Variants in ADGRB3 observed in about 807,000 individuals in gnomAD.
The protein encoded by ADGRB3 is adhesion G protein-coupled receptor B3.
Under a neutral mutation model 193.4 loss-of-function variants are expected in ADGRB3, and 37 were observed. That is an observed-to-expected ratio of 0.19 (90% CI 0.15 to 0.25). The LOEUF is 0.25. Among genes scored for constraint, ADGRB3 ranks in the 10% least tolerant of loss-of-function variants. ADGRB3 has a pLI of 1.00. For missense variants in ADGRB3, 1,637 were observed against 1,852.9 expected, an observed-to-expected ratio of 0.88 and a Z score of 2.14; for synonymous variants, 690 against 644.2, an observed-to-expected ratio of 1.07 and a Z score of -1.08.
chr6:69,251,525 G>A (rs1468248007), intron 20 of ADGRB3, among the ~76,000 whole-genome samples: 3 of 152,166 alleles, frequency 2.0e-5, no homozygotes, highest in African/African-American at 7.2e-5. Flanking sequence ...AGTGAATGAA[G>A]AAAATATCTA....
chr6:69,328,472 T>A (rs1314898362), intron 22 of ADGRB3, among the ~76,000 whole-genome samples: 1 of 152,204 alleles, frequency 6.6e-6, no homozygotes, highest in Non-Finnish European at 1.5e-5. Flanking sequence ...TGTGTTTGAA[T>A]TTAACATTTT....
At chr6:69,040,710 CA>C (rs1169004559) in intron 13 of ADGRB3, among the ~76,000 whole-genome samples, 4 of 50,624 alleles carry the variant, frequency 7.9e-5, no homozygotes, top group Non-Finnish European at 1.1e-4. Context: ...AAAAAAAAAA[CA>C]AACAAGAATT....
chr6:69,059,915 T>G (rs995252776), intron 15 of ADGRB3, among the ~76,000 whole-genome samples: 1 of 152,132 alleles, frequency 6.6e-6, no homozygotes, highest in Non-Finnish European at 1.5e-5. Flanking sequence ...AAACATGTTT[T>G]AAGTATTAAA....
chr6:69,299,458 C>G (rs1582615832), intron 20 of ADGRB3, among the ~76,000 whole-genome samples: 1 of 151,756 alleles, frequency 6.6e-6, no homozygotes, highest in East Asian at 1.9e-4. Context: ...GTTAAGAAAT[C>G]TTTACAGGTC....
chr6:68,883,351 G>A (rs1765788272), intron 3 of ADGRB3, among the ~76,000 whole-genome samples: 2 of 152,178 alleles, frequency 1.3e-5, no homozygotes, highest in African/African-American at 2.4e-5. Flanking sequence ...GGGCCAATCA[G>A]CAGGATGTGG....
intron 11 of ADGRB3, among the ~76,000 whole-genome samples, chr6:69,012,420 C>T (rs1156904233): frequency 6.6e-6 from 1 of 151,978 alleles, no homozygotes; most frequent in Non-Finnish European, 1.5e-5. Flanking sequence ...ACCATGTCCC[C>T]TACTGAGTTA....
At chr6:69,284,492 T>C (rs1223640325) in intron 20 of ADGRB3, among the ~76,000 whole-genome samples, 3 of 152,220 alleles carry the variant, frequency 2.0e-5, no homozygotes, top group Non-Finnish European at 4.4e-5. Flanking sequence ...GACTTAAGAC[T>C]GTAAGCTTGG....
intron 3 of ADGRB3, among the ~76,000 whole-genome samples, chr6:68,686,684 C>A (rs1050941876): frequency 2.6e-5 from 4 of 152,136 alleles, no homozygotes; most frequent in African/African-American, 7.2e-5. Context: ...GTTGTTGGTG[C>A]TGTCAATTGT....
At chr6:69,052,180 A>G (rs1292648693) in intron 15 of ADGRB3, among the ~76,000 whole-genome samples, 2 of 152,144 alleles carry the variant, frequency 1.3e-5, no homozygotes, top group Non-Finnish European at 1.5e-5. Flanking sequence ...GAGCCACCGC[A>G]GTAATAATTA....
At chr6:68,643,624 C>T (rs1451636493) in intron 3 of ADGRB3, among the ~76,000 whole-genome samples, 2 of 151,480 alleles carry the variant, frequency 1.3e-5, no homozygotes, top group Non-Finnish European at 2.9e-5. Flanking sequence ...CATATTGCAG[C>T]GTGATTTTAC....
intron 8 of ADGRB3, among the ~76,000 whole-genome samples, chr6:68,972,805 A>G (rs1768625317): frequency 1.3e-5 from 2 of 152,228 alleles, no homozygotes; most frequent in South Asian, 4.1e-4. Context: ...TGAGACAAAG[A>G]AAGAATGCTC....
intron 17 of ADGRB3, among the ~76,000 whole-genome samples, chr6:69,098,218 G>A (rs981068067): frequency 1.3e-5 from 2 of 152,162 alleles, no homozygotes; most frequent in African/African-American, 2.4e-5. Context: ...GATAACAGGT[G>A]TGAGCCATTG....
chr6:68,961,884 T>G (rs1262029722), intron 8 of ADGRB3, among the ~76,000 whole-genome samples: 2 of 152,182 alleles, frequency 1.3e-5, no homozygotes, highest in African/African-American at 4.8e-5. Context: ...CTCCTATTCC[T>G]TTGGAATTTA....
At chr6:69,370,153 A>G (rs1183495099) in intron 29 of ADGRB3, among the ~76,000 whole-genome samples, 1 of 152,168 alleles carries the variant, frequency 6.6e-6, no homozygotes, top group Non-Finnish European at 1.5e-5. Flanking sequence ...AAGTAATTTT[A>G]ACTCCACTGA....
At chr6:68,690,780 A>C (rs951866706) in intron 3 of ADGRB3, among the ~76,000 whole-genome samples, 6 of 152,270 alleles carry the variant, frequency 3.9e-5, no homozygotes, top group Admixed American at 2.6e-4. Flanking sequence ...TCTGGTATAT[A>C]GTATATGACC....
chr6:68,653,156 AG>A (rs1768409508), intron 3 of ADGRB3, among the ~76,000 whole-genome samples: 1 of 152,172 alleles, frequency 6.6e-6, no homozygotes, highest in South Asian at 2.1e-4. Context: ...CCTAAAGAGA[AG>A]GGGCTCCTCT....
chr6:69,113,379 T>C (rs1773431883), intron 17 of ADGRB3, among the ~76,000 whole-genome samples: 1 of 152,090 alleles, frequency 6.6e-6, no homozygotes, highest in African/African-American at 2.4e-5. Context: ...TGTATATGTA[T>C]GTATATATGT....
At chr6:68,825,820 C>A (rs1013853910) in intron 3 of ADGRB3, among the ~76,000 whole-genome samples, 1 of 152,214 alleles carries the variant, frequency 6.6e-6, no homozygotes, top group Non-Finnish European at 1.5e-5. Flanking sequence ...TGTAAGTTTT[C>A]TGAGGCCTCC....
intron 3 of ADGRB3, among the ~76,000 whole-genome samples, chr6:68,823,892 T>C (rs143607836): frequency 1.3e-5 from 2 of 152,240 alleles, no homozygotes; most frequent in African/African-American, 4.8e-5. Context: ...ATCTCATTGT[T>C]GAATAATAAT....
Sources: allele counts gnomAD v4.1 joint callset (sites outside exome capture counted in the v4.1 genomes callset), GRCh38; gene constraint gnomAD v4.1.1; transcripts MANE v1.5; gene names NCBI Gene and HGNC (gene_info 2026-07-23, HGNC 2026-07-21).